Variants in ERI1 observed in about 807,000 individuals in gnomAD.
The protein encoded by ERI1 is exoribonuclease 1, also known as 3'-5' exoribonuclease 1.
A neutral mutation model predicts 39.7 loss-of-function variants in ERI1; 39 were observed. The observed-to-expected ratio is 0.98, with a 90% CI of 0.76 to 1.28. ERI1 has a LOEUF of 1.28. Ranked by LOEUF, ERI1 falls within the 50% of genes most tolerant of loss-of-function variation. ERI1 has a pLI of 0.00. For synonymous variants in ERI1, 204 were observed against 149.6 expected (o/e 1.36, Z -2.65); for missense variants, 581 against 416.9 (o/e 1.39, Z -3.43).
At chr8:9,010,888 C>A (rs933325973) in intron 2 of ERI1, among the ~76,000 whole-genome samples, 1 of 152,038 alleles carries the variant, frequency 6.6e-6, no homozygotes, top group Admixed American at 6.5e-5. Flanking sequence ...CATATTCTAC[C>A]CATGATAAAT....
At position 9,003,609 on chromosome 8, in the gene ERI1, C is replaced by T. The variant is rs561472852; in HGVS notation, c.108+438C>T. Among the ~76,000 whole-genome samples the T allele has an allele frequency of 3.9e-5, 6 of 152,328 alleles. No individual in the cohort carries two copies. The South Asian group carries it at 6.2e-4, about 16-fold the overall frequency. On this transcript the variant is annotated intron_variant, in intron 1 of 6. Transcript: ENST00000250263. ...AAAAAGCACTCACCAGCATCCCTGTCTCTGTACCTGTTAAGTGGAGCTTCG... is the reference window on the plus strand; with the variant it reads ...AAAAAGCACTCACCAGCATCCCTGTTTCTGTACCTGTTAAGTGGAGCTTCG...
intron 3 of ERI1, among the ~76,000 whole-genome samples, chr8:9,059,321 C>T (rs1372122992): frequency 6.6e-6 from 1 of 152,036 alleles, no homozygotes; most frequent in East Asian, 1.9e-4. Context: ...ACATTCCTGT[C>T]TTCTTATATT....
At chr8:9,013,226 G>C (rs1267805613) in intron 3 of ERI1, among the ~76,000 whole-genome samples, 1 of 151,156 alleles carries the variant, frequency 6.6e-6, no homozygotes, top group Non-Finnish European at 1.5e-5. Context: ...TGTTGCGCAG[G>C]CTGGTTTCAA....
rs1563354006 is a variant in ERI1, at chr8:9,045,445, T to C, written n.299+24981T>C. Among the ~76,000 whole-genome samples, 4 of 151,922 alleles carry C rather than the reference T, an allele frequency of 2.6e-5. No individual in the cohort carries two copies. The East Asian group carries it at 5.9e-4, about 22-fold the overall frequency. On this transcript the variant is annotated intron_variant and non_coding_transcript_variant, in intron 3 of 3. Coordinates refer to the ERI1 transcript ENST00000518663. ...GATAGCTTAATAGGCAGGCTCTCATTAGACTTTAGTAGAAACATTCATGGA... is the reference window on the plus strand; with the variant it reads ...GATAGCTTAATAGGCAGGCTCTCATCAGACTTTAGTAGAAACATTCATGGA...
intron 3 of ERI1, among the ~76,000 whole-genome samples, chr8:9,038,693 G>T (rs140375683): frequency 6.1e-4 from 93 of 152,298 alleles, no homozygotes; most frequent in African/African-American, 2.1e-3. Flanking sequence ...GCAGGTGGAG[G>T]CTACATTGCA....
At chr8:9,057,065 T>G (rs1018471215) in intron 3 of ERI1, among the ~76,000 whole-genome samples, 1 of 152,196 alleles carries the variant, frequency 6.6e-6, no homozygotes, top group Non-Finnish European at 1.5e-5. Flanking sequence ...ACTCCTGACC[T>G]CAAGTGATCT....
At chr8:9,084,279 G>A (rs753985582) in intron 3 of ERI1, among the ~76,000 whole-genome samples, 4 of 152,054 alleles carry the variant, frequency 2.6e-5, no homozygotes, top group South Asian at 2.1e-4. Flanking sequence ...AAAGAATACC[G>A]CCTCATCTAT....
intron 6 of ERI1, among the ~76,000 whole-genome samples, chr8:9,023,822 G>A (rs1449700524): frequency 4.7e-4 from 42 of 90,076 alleles, no homozygotes; most frequent in Admixed American, 8.3e-4. Context: ...TTTTTGAGGC[G>A]GAGTCTCACT....
rs752971735 is a variant in ERI1 at position 9,032,499 on chromosome 8, G to A, written c.*2465G>A. 1.3e-5 allele frequency: 2 copies of A among 151,974 alleles called. No homozygotes were observed. Among genetic ancestry groups the A allele is most frequent in the Non-Finnish European group, 2.9e-5 (2 of 68,002 alleles). 9.4% of individuals were successfully genotyped at this position (151,974 alleles called of 1,614,324 possible). The stretch of plus-strand genomic sequence containing the variant: ...CATTTGCTCTGAAAAAAATGTTTTT[G>A]TGATGTGTCTTTGTTGCCTTGAGAT... On this transcript the variant is annotated 3_prime_UTR_variant, in exon 7 of 7. Transcript: ENST00000250263.
At chr8:9,071,535 T>G (rs1392328769) in intron 3 of ERI1, among the ~76,000 whole-genome samples, 1 of 152,228 alleles carries the variant, frequency 6.6e-6, no homozygotes, top group African/African-American at 2.4e-5. Context: ...TAAAAACACC[T>G]TCTCCAGTTT....
At chr8:9,035,552 G>A (rs1036260547), downstream of ERI1, among the ~76,000 whole-genome samples, 3 of 151,954 alleles carry the variant, frequency 2.0e-5, no homozygotes, top group Non-Finnish European at 4.4e-5. Flanking sequence ...TTGAGACTTA[G>A]TGCTCAGGAA....
intron 3 of ERI1, among the ~76,000 whole-genome samples, chr8:9,039,499 T>G (rs1463283060): frequency 1.3e-5 from 2 of 152,206 alleles, no homozygotes; most frequent in African/African-American, 4.8e-5. Flanking sequence ...TTGTAAATGA[T>G]TAGTGAAAAC....
chr8:9,015,761 C>G (rs912302291), intron 3 of ERI1, among the ~76,000 whole-genome samples: 10 of 143,832 alleles, frequency 7.0e-5, no homozygotes, highest in African/African-American at 2.6e-4. Context: ...GTGAAAGCTT[C>G]TTGAAAAGAT....
chr8:9,025,310 A>G (rs752030608), intron 6 of ERI1, among the ~76,000 whole-genome samples: 4 of 152,236 alleles, frequency 2.6e-5, no homozygotes, highest in Non-Finnish European at 5.9e-5. Flanking sequence ...TTTCTGTTGT[A>G]ACATGATTAT....
chr8:9,019,073 C>A (rs920196883), intron 5 of ERI1, among the ~76,000 whole-genome samples: 2 of 152,166 alleles, frequency 1.3e-5, no homozygotes, highest in African/African-American at 4.8e-5. Context: ...CTTTTGCTGC[C>A]TAATAATCTT....
At chr8:9,093,724 T>G (rs992611995) in intron 3 of ERI1, among the ~76,000 whole-genome samples, 5 of 152,118 alleles carry the variant, frequency 3.3e-5, no homozygotes, top group Non-Finnish European at 7.4e-5. Context: ...CATGCCACCA[T>G]GCCCAGCTAA....
At chr8:9,080,200 G>C (rs1472818660) in intron 3 of ERI1, among the ~76,000 whole-genome samples, 1 of 152,184 alleles carries the variant, frequency 6.6e-6, no homozygotes, top group Non-Finnish European at 1.5e-5. Context: ...GGAGTAGGAC[G>C]TGATTGCTGT....
At chr8:9,044,686 G>A (rs1393007680) in intron 3 of ERI1, among the ~76,000 whole-genome samples, 1 of 151,982 alleles carries the variant, frequency 6.6e-6, no homozygotes, top group Non-Finnish European at 1.5e-5. Context: ...AGAAGCAATC[G>A]TTTACCAAGC....
At chr8:9,004,212 G>C (rs1335322072) in intron 1 of ERI1, 15 of 1,276,990 alleles carry the variant, frequency 1.2e-5, no homozygotes, top group African/African-American at 7.7e-5. Context: ...ATTTCAAAGA[G>C]TACTTGCACA....
Sources: allele counts gnomAD v4.1 joint callset (sites outside exome capture counted in the v4.1 genomes callset), GRCh38; gene constraint gnomAD v4.1.1; transcripts MANE v1.5; gene names NCBI Gene and HGNC (gene_info 2026-07-23, HGNC 2026-07-21).